Variants in SNX13 observed in about 807,000 individuals in gnomAD.
The protein encoded by SNX13 is sorting nexin-13.
A neutral mutation model predicts 133.6 loss-of-function variants in SNX13; 45 were observed. That is an observed-to-expected ratio of 0.34 (90% confidence interval 0.27 to 0.43). SNX13 has a LOEUF of 0.43. SNX13 is among the 20% of genes least tolerant of loss of function. SNX13 has a pLI of 1.00. For synonymous variants in SNX13, 414 were observed against 373.9 expected, an observed-to-expected ratio of 1.11 and a Z score of -1.24; for missense variants, 1,032 against 1,145.1, an observed-to-expected ratio of 0.90 and a Z score of 1.43.
At chr7:17,853,291 G>T (rs1183057834) in intron 9 of SNX13, among the ~76,000 whole-genome samples, 2 of 152,178 alleles carry the variant, frequency 1.3e-5, no homozygotes, top group Non-Finnish European at 2.9e-5. Flanking sequence ...AGTACAGGAT[G>T]TTGTAGAGGG....
At chr7:17,852,092 A>G (rs1360603125) in intron 9 of SNX13, among the ~76,000 whole-genome samples, 1 of 152,218 alleles carries the variant, frequency 6.6e-6, no homozygotes, top group Non-Finnish European at 1.5e-5. Context: ...TTAAAAAAGA[A>G]AATGACGGCC....
intron 1 of SNX13, among the ~76,000 whole-genome samples, chr7:17,911,841 AAGAG>A (rs1458519597): frequency 1.3e-5 from 2 of 151,728 alleles, no homozygotes; most frequent in African/African-American, 4.8e-5. Context: ...TTTTTTTAAA[AAGAG>A]AGAGAGAATC....
chr7:17,848,919 C>G (rs918935621), intron 11 of SNX13, among the ~76,000 whole-genome samples: 6 of 152,242 alleles, frequency 3.9e-5, no homozygotes, highest in African/African-American at 1.4e-4. Context: ...GCTATTTACT[C>G]TGTTTCTTTG....
intron 15 of SNX13, chr7:17,832,061 A>AT: frequency 5.1e-6 from 5 of 983,212 alleles, no homozygotes; most frequent in Non-Finnish European, 6.0e-6. Context: ...CTAGAAAGAC[A>AT]ATAAGATACA....
intron 2 of SNX13, 51 bp from the exon 3 acceptor site, chr7:17,893,485 T>A: frequency 8.9e-7 from 1 of 1,120,986 alleles, no homozygotes; most frequent in South Asian, 1.4e-5. Flanking sequence ...TCCTTATAAT[T>A]TAATGAATCT....
At chr7:17,926,407 G>A (rs1171276807) in intron 1 of SNX13, among the ~76,000 whole-genome samples, 8 of 152,010 alleles carry the variant, frequency 5.3e-5, no homozygotes, top group Non-Finnish European at 8.8e-5. Flanking sequence ...GCTGGGAAAG[G>A]TCATTTTTAG....
intron 1 of SNX13, chr7:17,898,119 C>A (rs1797414397): frequency 6.6e-6 from 1 of 150,722 alleles, no homozygotes. Context: ...CTGTTTTAGC[C>A]AATTAAAAAA....
intron 9 of SNX13, among the ~76,000 whole-genome samples, chr7:17,860,874 T>A (rs963610655): frequency 2.0e-5 from 3 of 152,186 alleles, no homozygotes; most frequent in African/African-American, 4.8e-5. Context: ...TTGTAATAGG[T>A]TTTGAAATCA....
intron 13 of SNX13, among the ~76,000 whole-genome samples, chr7:17,837,580 G>A (rs1021547456): frequency 3.3e-5 from 5 of 152,000 alleles, no homozygotes; most frequent in Non-Finnish European, 5.9e-5. Flanking sequence ...TGTTTGGTAG[G>A]TAGATCAACT....
intron 1 of SNX13, among the ~76,000 whole-genome samples, chr7:17,914,999 T>C (rs553052234): frequency 1.3e-5 from 2 of 152,172 alleles, no homozygotes; most frequent in South Asian, 2.1e-4. Context: ...ATGACACCCA[T>C]AGGCTCAAAA....
chr7:17,909,112 T>C (rs1168038251), intron 1 of SNX13, among the ~76,000 whole-genome samples: 2 of 151,796 alleles, frequency 1.3e-5, no homozygotes, highest in Non-Finnish European at 2.9e-5. Flanking sequence ...CACTAATCAT[T>C]AGAGAAATGC....
intron 9 of SNX13, among the ~76,000 whole-genome samples, chr7:17,857,474 C>T (rs1026769331): frequency 1.3e-5 from 2 of 152,080 alleles, no homozygotes; most frequent in African/African-American, 4.8e-5. Flanking sequence ...ACACAGATGT[C>T]AAGATCCTCA....
chr7:17,834,676 A>T (rs1394365827), intron 14 of SNX13, 85 bp downstream of exon 14: 9 of 824,320 alleles, frequency 1.1e-5, no homozygotes, highest in Non-Finnish European at 1.6e-5. Flanking sequence ...CTCTACTTTT[A>T]GAAAGTTTTT....
At chr7:17,826,499 A>G (rs1164892216) in intron 16 of SNX13, among the ~76,000 whole-genome samples, 1 of 152,072 alleles carries the variant, frequency 6.6e-6, no homozygotes, top group Non-Finnish European at 1.5e-5. Context: ...TTTTGTTAAT[A>G]TAGAAATAAT....
intron 20 of SNX13, among the ~76,000 whole-genome samples, chr7:17,808,667 G>T (rs1785611575): frequency 6.6e-6 from 1 of 152,124 alleles, no homozygotes; most frequent in African/African-American, 2.4e-5. Context: ...ATTCACCAAG[G>T]TTGAAATGAA....
intron 10 of SNX13, 41 bp from the exon 11 acceptor site, chr7:17,850,476 A>G: frequency 8.2e-7 from 1 of 1,215,094 alleles, no homozygotes; most frequent in Non-Finnish European, 1.1e-6. Flanking sequence ...TGGTAGTGTT[A>G]TTTATGAAAT....
intron 20 of SNX13, among the ~76,000 whole-genome samples, chr7:17,804,155 C>T (rs1784929969): frequency 6.6e-6 from 1 of 152,004 alleles, no homozygotes; most frequent in South Asian, 2.1e-4. Context: ...GCTTTGGCTG[C>T]CTTCTTATTA....
chr7:17,810,115 A>C (rs1177952190), intron 20 of SNX13, among the ~76,000 whole-genome samples: 2 of 152,208 alleles, frequency 1.3e-5, no homozygotes, highest in African/African-American at 4.8e-5. Flanking sequence ...GAAATAACTA[A>C]GATCAGAGCA....
chr7:17,918,992 C>A (rs1799845904), intron 1 of SNX13, among the ~76,000 whole-genome samples: 1 of 152,252 alleles, frequency 6.6e-6, no homozygotes, highest in Admixed American at 6.5e-5. Context: ...AACACAAAAA[C>A]AGAAAACTAA....
Sources: gnomAD v4.1 joint callset for allele counts (sites outside exome capture counted in the v4.1 genomes callset) on GRCh38, gnomAD v4.1.1 for gene constraint, MANE v1.5 for transcripts, NCBI Gene and HGNC (gene_info 2026-07-23, HGNC 2026-07-21) for gene names.